The following TTC29 variants were observed in gnomAD, a reference collection of about 807,000 sequenced individuals.
The protein encoded by TTC29 is tetratricopeptide repeat protein 29.
TTC29 carries 49 observed loss-of-function variants against 58.1 expected under a neutral mutation model. The observed-to-expected ratio is 0.84, with a 90% CI of 0.67 to 1.07. The LOEUF (loss-of-function observed/expected upper bound fraction) is 1.07. Among genes scored for constraint, TTC29 ranks in the 50% least tolerant of loss-of-function variants. The pLI is 0.00. For missense variants in TTC29, 582 were observed against 555.6 expected (o/e 1.05, Z -0.48); for synonymous variants, 209 against 196.8 (o/e 1.06, Z -0.52).
At position 146,848,928 on chromosome 4, in the gene TTC29, T is replaced by G. The variant is rs562296643; in HGVS notation, c.886-15031A>C. Among the ~76,000 whole-genome samples, 6 of 152,340 alleles carry G rather than the reference T, an allele frequency of 3.9e-5. No homozygotes were observed. In the South Asian group the frequency reaches 1.2e-3, roughly 32 times the overall value. ...AGTGACTGGACTTTTGTCCTGTCCC[T>G]TGAGACCAAGCACACATCCCAAGGT... On this transcript the variant is annotated intron_variant, in intron 8 of 12. Coordinates refer to ENST00000325106, the MANE Select transcript of TTC29 (RefSeq NM_031956.4).
intron 10 of TTC29, among the ~76,000 whole-genome samples, chr4:146,805,887 CACCACAA>C (rs1055370180): frequency 1.4e-4 from 22 of 152,040 alleles, no homozygotes; most frequent in African/African-American, 5.3e-4. Flanking sequence ...ATACAGAGAA[CACCACAA>C]AACTCTTCGA....
intron 11 of TTC29, among the ~76,000 whole-genome samples, chr4:146,799,533 G>C (rs1355519373): frequency 6.6e-6 from 1 of 152,126 alleles, no homozygotes; most frequent in Non-Finnish European, 1.5e-5. Flanking sequence ...TCTCTTTTAA[G>C]AATACTAAAT....
chr4:146,813,787 G>A (rs1032246199), intron 10 of TTC29, among the ~76,000 whole-genome samples: 5 of 152,150 alleles, frequency 3.3e-5, no homozygotes, highest in Admixed American at 6.5e-5. Flanking sequence ...AGTTCGAGAC[G>A]AACCTGGCCA....
chr4:146,737,594 G>C (rs551439969), intron 11 of TTC29, among the ~76,000 whole-genome samples: 12 of 148,766 alleles, frequency 8.1e-5, no homozygotes, highest in South Asian at 4.3e-4. Flanking sequence ...TAGCCCTGGG[G>C]GGGGGGGGGC....
At chr4:146,860,727 C>CGGTTGACCA (rs1168725945) in intron 8 of TTC29, among the ~76,000 whole-genome samples, 2 of 152,104 alleles carry the variant, frequency 1.3e-5, no homozygotes, top group African/African-American at 2.4e-5. Context: ...TTTCAGACTG[C>CGGTTGACCA]GGTTGACCAC....
chr4:146,943,434 A>G (rs1024620048), intron 2 of TTC29, among the ~76,000 whole-genome samples: 5 of 152,170 alleles, frequency 3.3e-5, no homozygotes, highest in African/African-American at 1.2e-4. Context: ...TAAAGTGGAA[A>G]AAAAAAAGCA....
At chr4:146,942,557 C>A in intron 2 of TTC29, 1 of 1,498,330 alleles carries the variant, frequency 6.7e-7, no homozygotes, top group Non-Finnish European at 9.0e-7. Context: ...CACCAAAGCT[C>A]CCCAAACGGG....
At chr4:146,719,716 A>G (rs1743218802) in intron 11 of TTC29, among the ~76,000 whole-genome samples, 3 of 152,166 alleles carry the variant, frequency 2.0e-5, no homozygotes, top group South Asian at 4.1e-4. Context: ...GTAGGCTATG[A>G]CAACTGAGAT....
At chr4:146,758,018 C>T (rs1746587256) in intron 11 of TTC29, among the ~76,000 whole-genome samples, 1 of 151,950 alleles carries the variant, frequency 6.6e-6, no homozygotes, top group Admixed American at 6.6e-5. Flanking sequence ...CTGTAAATGG[C>T]TTAAATGCTG....
chr4:146,857,464 T>C (rs1729940919), intron 8 of TTC29, among the ~76,000 whole-genome samples: 1 of 151,964 alleles, frequency 6.6e-6, no homozygotes, highest in Non-Finnish European at 1.5e-5. Context: ...GGAAAATGAC[T>C]GCTGAGACCG....
At chr4:146,932,598 T>C (rs1303832654) in intron 4 of TTC29, among the ~76,000 whole-genome samples, 2 of 152,148 alleles carry the variant, frequency 1.3e-5, no homozygotes, top group African/African-American at 2.4e-5. Context: ...GATTTGCATA[T>C]AAAAAGTATA....
intron 6 of TTC29, among the ~76,000 whole-genome samples, chr4:146,891,975 C>CT (rs1732397143): frequency 1.3e-5 from 2 of 152,078 alleles, no homozygotes; most frequent in South Asian, 4.2e-4. Context: ...TGTAAGGACT[C>CT]TGTTAAGTAT....
At chr4:146,919,798 T>C (rs886663737) in intron 4 of TTC29, among the ~76,000 whole-genome samples, 3 of 151,146 alleles carry the variant, frequency 2.0e-5, no homozygotes, top group Admixed American at 1.3e-4. Context: ...CAACTTCCCA[T>C]ATACATTCAG....
intron 6 of TTC29, among the ~76,000 whole-genome samples, chr4:146,890,259 T>C (rs58467542): frequency 0.46 from 69,905 of 151,822 alleles, 16,691 homozygotes; most frequent in African/African-American, 0.57. Flanking sequence ...GAGCTCAACA[T>C]CTTTTAAGGG....
chr4:146,866,704 A>C (rs1730585415), intron 8 of TTC29, among the ~76,000 whole-genome samples: 1 of 152,154 alleles, frequency 6.6e-6, no homozygotes, highest in South Asian at 2.1e-4. Context: ...TCCAATTGTA[A>C]GGGGGCTAGA....
At chr4:146,724,158 TA>T (rs1425157144) in intron 11 of TTC29, among the ~76,000 whole-genome samples, 1 of 152,132 alleles carries the variant, frequency 6.6e-6, no homozygotes, top group African/African-American at 2.4e-5. Context: ...CACTTACAAG[TA>T]GGAGTTAAAC....
rs752415902 is a variant in TTC29, at chr4:146,903,634, A to T, written c.496T>A (p.Cys166Ser). 1.2e-6 allele frequency: 2 copies of T among 1,613,102 alleles called. No individual in the cohort carries two copies. The highest frequency in any genetic ancestry group is 2.2e-5 in the South Asian group (2 of 90,916). Reference sequence around the variant, plus strand: ...TTGATCAGCTGAGCAATCTTAAAACATCGTTCATAGAAGTGGTTCCTTACC... The same window carrying T: ...TTGATCAGCTGAGCAATCTTAAAACTTCGTTCATAGAAGTGGTTCCTTACC... ...KWVRNHFYER[C>S]FKIAQLIKID... The change falls in exon 6 of 13, where the codon TGT (cysteine) becomes AGT (serine). Residue 166 changes from cysteine (C) to serine (S), a missense_variant. Cys to Ser is a moderately radical substitution (Grantham distance 112). Coordinates refer to ENST00000325106, the MANE Select transcript of TTC29 (RefSeq NM_031956.4).
intron 11 of TTC29, among the ~76,000 whole-genome samples, chr4:146,748,290 A>T (rs566372349): frequency 7.6e-4 from 116 of 152,280 alleles, no homozygotes; most frequent in African/African-American, 2.7e-3. Context: ...GGTATGCCTT[A>T]GAACAAGACC....
At chr4:146,752,970 C>A (rs2150050527) in intron 11 of TTC29, among the ~76,000 whole-genome samples, 1 of 152,268 alleles carries the variant, frequency 6.6e-6, no homozygotes, top group Admixed American at 6.5e-5. Context: ...CTAGGCAATA[C>A]CATTCAGGAC....
Sources: gnomAD v4.1 joint callset for allele counts (sites outside exome capture counted in the v4.1 genomes callset) on GRCh38, gnomAD v4.1.1 for gene constraint, MANE v1.5 for transcripts, NCBI Gene and HGNC (gene_info 2026-07-23, HGNC 2026-07-21) for gene names.